ZSCAN25: variants seen among roughly 807,000 people sequenced by gnomAD.
ZSCAN25 encodes the protein zinc finger and SCAN domain containing 25.
ZSCAN25 carries 27 observed loss-of-function variants against 38.7 expected under a neutral mutation model. The observed-to-expected ratio is 0.70, with a 90% CI of 0.51 to 0.96. The LOEUF (loss-of-function observed/expected upper bound fraction) is 0.96, where lower values mean the gene tolerates loss of function less well. ZSCAN25 is among the 40% of genes least tolerant of loss of function. The pLI is 0.00. For synonymous variants in ZSCAN25, 273 were observed against 277.7 expected (o/e 0.98, Z 0.17); for missense variants, 637 against 705.9 (o/e 0.90, Z 1.11).
At chr7:99,684,449 T>C in the ZSCAN25 span, among the ~76,000 whole-genome samples, 75 of 152,332 alleles carry the variant, frequency 4.9e-4, no homozygotes, top group African/African-American at 1.8e-3. Flanking sequence ...ATTACAGGCA[T>C]GAGCCACTGT....
At chr7:99,722,979 A>T in the ZSCAN25 span, among the ~76,000 whole-genome samples, 1 of 152,162 alleles carries the variant, frequency 6.6e-6, no homozygotes, top group Non-Finnish European at 1.5e-5. Context: ...ACCTCTACAC[A>T]TCGGAGACAG....
chr7:99,656,096 G>C, the ZSCAN25 span, among the ~76,000 whole-genome samples: 1 of 152,106 alleles, frequency 6.6e-6, no homozygotes, highest in Non-Finnish European at 1.5e-5. Context: ...GATTGCCCTG[G>C]CCAGAACTTC....
At chr7:99,664,090 A>G in the ZSCAN25 span, 1 of 1,581,954 alleles carries the variant, frequency 6.3e-7, no homozygotes, top group East Asian at 2.3e-5. Flanking sequence ...AGGAATGGAA[A>G]GAGTACTGTG....
At chr7:99,623,947 A>C (rs1413650245) in intron 6 of ZSCAN25, 110 bp from the exon 7 acceptor site, 1 of 1,496,728 alleles carries the variant, frequency 6.7e-7, no homozygotes, top group Non-Finnish European at 9.2e-7. Flanking sequence ...GATTACTCCC[A>C]TTCAACTGTT....
the ZSCAN25 span, chr7:99,652,461 C>A: frequency 1.3e-6 from 1 of 764,200 alleles, no homozygotes. Flanking sequence ...AATGATTGTA[C>A]AACCACACGA....
chr7:99,636,881 A>G (rs983664047), downstream of ZSCAN25, among the ~76,000 whole-genome samples: 1 of 152,238 alleles, frequency 6.6e-6, no homozygotes, highest in Non-Finnish European at 1.5e-5. Context: ...TGTAATCTGT[A>G]GGTTCTTTGT....
chr7:99,711,377 G>A, the ZSCAN25 span, among the ~76,000 whole-genome samples: 32 of 152,320 alleles, frequency 2.1e-4, no homozygotes, highest in Non-Finnish European at 4.6e-4. Context: ...CTTTCCTTTA[G>A]ATATGTTTGA....
At position 99,624,045 on chromosome 7, in the gene ZSCAN25, C is replaced by T; in HGVS notation, c.682-12C>T. The T allele has an allele frequency of 6.2e-7, 1 of 1,614,154 alleles. No individual in the cohort carries two copies. The highest frequency in any genetic ancestry group is 8.5e-7 in the Non-Finnish European group (1 of 1,180,022). ...TTCTTTCTTTATTCATAGCAATCTC[C>T]TATTGTTGCAGGGGTTGGGGCCATT... On this transcript the variant is annotated splice_polypyrimidine_tract_variant and intron_variant, in intron 6 of 7. Coordinates refer to ENST00000394152, the MANE Select transcript of ZSCAN25 (RefSeq NM_145115.3).
chr7:99,689,854 T>G, the ZSCAN25 span, among the ~76,000 whole-genome samples: 3 of 152,172 alleles, frequency 2.0e-5, no homozygotes, highest in Non-Finnish European at 4.4e-5. Flanking sequence ...GAATCAATAT[T>G]GTGAAAATGG....
the ZSCAN25 span, chr7:99,707,988 G>T: frequency 6.2e-7 from 1 of 1,613,614 alleles, no homozygotes; most frequent in Non-Finnish European, 8.5e-7. Flanking sequence ...GTTCCATATT[G>T]GTAGATATTT....
chr7:99,692,754 A>G, the ZSCAN25 span, among the ~76,000 whole-genome samples: 2 of 152,168 alleles, frequency 1.3e-5, no homozygotes, highest in African/African-American at 2.4e-5. Context: ...CAGGTCATTT[A>G]AGGTCTTCTT....
At position 99,621,566 on chromosome 7, in the gene ZSCAN25, A is replaced by C. The variant is rs751286662; in HGVS notation, c.581A>C (p.Gln194Pro). 6.2e-6 allele frequency: 9 copies of C among 1,459,126 alleles called. No homozygotes were observed. In the African/African-American group the frequency reaches 1.3e-4, roughly 21 times the overall value. 90.4% of individuals were successfully genotyped at this position (1,459,126 alleles called of 1,614,324 possible). A position where few individuals can be genotyped will look rare whatever the true frequency, so the allele number is the denominator to read the frequency against. Residue 194 changes from glutamine (Q) to proline (P), a missense_variant, in exon 5 of 8, where the codon CAG becomes CCG. Physicochemically the swap from Gln to Pro is moderately conservative, Grantham distance 76 (BLOSUM62 -1). Transcript: ENST00000394152. ...QDPGDETRAFQEQALPVLQAG... is the reference protein window; with the variant it reads ...QDPGDETRAFPEQALPVLQAG... ...CCTGGAGATGAGACACGGGCCTTCC[A>C]GGAGCAAGGTGAGTAAGACGCAGAT...
At chr7:99,618,177 C>G (rs549571522) in intron 1 of ZSCAN25, 1 of 152,222 alleles carries the variant, frequency 6.6e-6, no homozygotes, top group Non-Finnish European at 1.5e-5. Flanking sequence ...GTCTGTCTTC[C>G]CAGTCTAGGT....
the ZSCAN25 span, among the ~76,000 whole-genome samples, chr7:99,733,265 T>C: frequency 6.6e-6 from 1 of 152,210 alleles, no homozygotes; most frequent in Non-Finnish European, 1.5e-5. Context: ...CAGGACAAAC[T>C]ATTGAGTTAA....
At chr7:99,673,481 C>T in the ZSCAN25 span, among the ~76,000 whole-genome samples, 1 of 152,158 alleles carries the variant, frequency 6.6e-6, no homozygotes, top group African/African-American at 2.4e-5. Context: ...AAAGTAAGTG[C>T]AATGGTATAA....
At chr7:99,717,918 C>T in the ZSCAN25 span, among the ~76,000 whole-genome samples, 5 of 152,250 alleles carry the variant, frequency 3.3e-5, no homozygotes, top group African/African-American at 4.8e-5. Context: ...ACACCTAGCA[C>T]GCGTGCAGTG....
At chr7:99,681,299 C>T in the ZSCAN25 span, among the ~76,000 whole-genome samples, 6 of 152,232 alleles carry the variant, frequency 3.9e-5, no homozygotes, top group Admixed American at 3.3e-4. Flanking sequence ...TATATGATTT[C>T]CTTTCTTCCA....
chr7:99,630,992 G>T lies in ZSCAN25; in HGVS notation c.*972G>T. The T allele has an allele frequency of 1.1e-6, 1 of 945,648 alleles. No individual in the cohort carries two copies. The highest frequency in any genetic ancestry group is 1.3e-6 in the Non-Finnish European group (1 of 793,862). The allele number at this position is 945,648 out of a possible 1,614,324, so 58.6% of individuals were successfully genotyped here. On this transcript the variant is annotated 3_prime_UTR_variant, in exon 8 of 8. Transcript: ENST00000394152. Reference sequence around the variant, plus strand: ...CATTCTCATTGGACCCATTTCCCAAGTATTTATTGAGGCCCTGTAACAAAC... The same window carrying T: ...CATTCTCATTGGACCCATTTCCCAATTATTTATTGAGGCCCTGTAACAAAC...
At chr7:99,735,223 A>G in the ZSCAN25 span, 1 of 1,289,074 alleles carries the variant, frequency 7.8e-7, no homozygotes, top group Non-Finnish European at 1.1e-6. Flanking sequence ...TGGATTGTTT[A>G]TATGCTGGAG....
Sources: allele counts gnomAD v4.1 joint callset (sites outside exome capture counted in the v4.1 genomes callset), GRCh38; gene constraint gnomAD v4.1.1; transcripts MANE v1.5; gene names NCBI Gene and HGNC (gene_info 2026-07-23, HGNC 2026-07-21).